The following PDZRN3 variants were observed in gnomAD, a reference collection of about 807,000 sequenced individuals.
PDZRN3 encodes the protein PDZ domain containing ring finger 3, also known as E3 ubiquitin-protein ligase PDZRN3.
Under a neutral mutation model 85.7 loss-of-function variants are expected in PDZRN3, and 38 were observed. That is an observed-to-expected ratio of 0.44 (90% CI 0.34 to 0.58). PDZRN3 has a LOEUF of 0.58. Ranked by LOEUF, PDZRN3 falls within the 20% of genes least tolerant of loss-of-function variation. PDZRN3 has a pLI of 0.01. For missense variants in PDZRN3, 1,629 were observed against 1,506.4 expected (o/e 1.08, Z -1.35); for synonymous variants, 759 against 638.0 (o/e 1.19, Z -2.86).
intron 3 of PDZRN3, among the ~76,000 whole-genome samples, chr3:73,490,471 G>A (rs895544458): frequency 6.6e-6 from 1 of 152,192 alleles, no homozygotes; most frequent in African/African-American, 2.4e-5. Context: ...CCCACTGCAA[G>A]AGCAGATCTT....
rs983500011 is a variant in PDZRN3 at position 73,552,402 on chromosome 3, T to C, written c.918+49952A>G. ...TGATTAACTTTAAATGGATAATAAC[T>C]GGACTAAGCAGCAGATTCACTGAGG... On this transcript the variant is annotated intron_variant, in intron 3 of 9. Coordinates refer to ENST00000263666, the MANE Select transcript of PDZRN3 (RefSeq NM_015009.3). Among the ~76,000 whole-genome samples the C allele has an allele frequency of 4.6e-5, 7 of 152,310 alleles. No homozygotes were observed. The East Asian group carries it at 1.4e-3, about 29-fold the overall frequency.
intron 3 of PDZRN3, among the ~76,000 whole-genome samples, chr3:73,464,267 G>A (rs1488168737): frequency 6.6e-6 from 1 of 152,190 alleles, no homozygotes; most frequent in African/African-American, 2.4e-5. Context: ...TTATAGGCGT[G>A]AGCCATGGTG....
chr3:73,459,814 T>C (rs907564033), intron 3 of PDZRN3, among the ~76,000 whole-genome samples: 1 of 152,228 alleles, frequency 6.6e-6, no homozygotes, highest in African/African-American at 2.4e-5. Context: ...ACTCTTCTTT[T>C]ATATCTGCCT....
chr3:73,448,239 C>T (rs1325839212), intron 3 of PDZRN3, among the ~76,000 whole-genome samples: 1 of 152,172 alleles, frequency 6.6e-6, no homozygotes, highest in East Asian at 1.9e-4. Flanking sequence ...AAGATTCTTC[C>T]CAAGTCTTCA....
chr3:73,410,049 G>T (rs1189596081), intron 3 of PDZRN3, among the ~76,000 whole-genome samples: 1 of 152,054 alleles, frequency 6.6e-6, no homozygotes, highest in Non-Finnish European at 1.5e-5. Context: ...TAAATACAGG[G>T]GGAGTGATTT....
chr3:73,593,976 C>T lies in PDZRN3; in HGVS notation c.918+8378G>A, dbSNP rs562231723. The T allele has an allele frequency of 2.6e-5, 4 of 152,234 alleles. No individual in the cohort carries two copies. The East Asian group carries it at 5.8e-4, about 22-fold the overall frequency. 9.4% of individuals were successfully genotyped at this position (152,234 alleles called of 1,614,324 possible). ...TAGTAAAAAGTGAAAAACCTGCTAG[C>T]TAAATTCTGCAAGAGTTGTAGCACT... On this transcript the variant is annotated intron_variant, in intron 3 of 9. Transcript: ENST00000263666.
chr3:73,514,539 T>A (rs1045295700), intron 3 of PDZRN3, among the ~76,000 whole-genome samples: 3 of 152,204 alleles, frequency 2.0e-5, no homozygotes, highest in Non-Finnish European at 4.4e-5. Context: ...TACACAAATA[T>A]ACTTAAATTC....
chr3:73,596,977 A>C (rs1318397842), intron 3 of PDZRN3, among the ~76,000 whole-genome samples: 1 of 152,224 alleles, frequency 6.6e-6, no homozygotes. Context: ...GAGTAGAGGA[A>C]GAAAAGAATA....
chr3:73,511,114 C>CT (rs770564482), intron 3 of PDZRN3, among the ~76,000 whole-genome samples: 1 of 152,158 alleles, frequency 6.6e-6, no homozygotes, highest in Non-Finnish European at 1.5e-5. Context: ...CCAGTGGCTA[C>CT]TTTTTTATGG....
At chr3:73,423,761 T>G (rs1275345713) in intron 3 of PDZRN3, among the ~76,000 whole-genome samples, 3 of 152,232 alleles carry the variant, frequency 2.0e-5, no homozygotes, top group Non-Finnish European at 1.5e-5. Context: ...CCCTTATTAG[T>G]ATTTCTGATT....
intron 3 of PDZRN3, among the ~76,000 whole-genome samples, chr3:73,446,939 G>A (rs1702759066): frequency 6.6e-6 from 1 of 151,554 alleles, no homozygotes; most frequent in Non-Finnish European, 1.5e-5. Flanking sequence ...TTCCCAGCTT[G>A]CTGCAGCCCT....
chr3:73,481,558 G>A (rs1202550480), intron 3 of PDZRN3, among the ~76,000 whole-genome samples: 4 of 151,902 alleles, frequency 2.6e-5, no homozygotes, highest in Admixed American at 6.6e-5. Context: ...TCGAACTCCC[G>A]ACCTCAGGTG....
chr3:73,455,908 A>C (rs953491405), intron 3 of PDZRN3, among the ~76,000 whole-genome samples: 2 of 152,240 alleles, frequency 1.3e-5, no homozygotes, highest in African/African-American at 4.8e-5. Context: ...CACAAAAATA[A>C]TTGATGACAT....
chr3:73,385,430 C>T (rs546254167), intron 9 of PDZRN3, among the ~76,000 whole-genome samples: 1 of 152,338 alleles, frequency 6.6e-6, no homozygotes, highest in East Asian at 1.9e-4. Flanking sequence ...AACAAATTAT[C>T]AGAAGGTCAG....
At chr3:73,538,096 C>G (rs1296055356) in intron 3 of PDZRN3, among the ~76,000 whole-genome samples, 2 of 152,194 alleles carry the variant, frequency 1.3e-5, no homozygotes, top group African/African-American at 4.8e-5. Context: ...ACATTTACAA[C>G]TGGGAACACA....
chr3:73,510,076 C>T (rs370655774), intron 3 of PDZRN3, among the ~76,000 whole-genome samples: 20 of 152,178 alleles, frequency 1.3e-4, no homozygotes, highest in African/African-American at 4.6e-4. Flanking sequence ...CAAATGTTTC[C>T]TATCAGTGGC....
At chr3:73,397,208 T>G (rs963537295) in intron 5 of PDZRN3, among the ~76,000 whole-genome samples, 3 of 152,054 alleles carry the variant, frequency 2.0e-5, no homozygotes, top group Non-Finnish European at 4.4e-5. Flanking sequence ...CAGAACCATC[T>G]GTTTTTCTCT....
intron 3 of PDZRN3, among the ~76,000 whole-genome samples, chr3:73,571,346 T>C (rs904703963): frequency 6.6e-6 from 1 of 152,226 alleles, no homozygotes; most frequent in African/African-American, 2.4e-5. Context: ...CGTGCCTTTG[T>C]GACAAAACCC....
At chr3:73,444,722 C>A (rs1259107981) in intron 3 of PDZRN3, among the ~76,000 whole-genome samples, 1 of 152,184 alleles carries the variant, frequency 6.6e-6, no homozygotes, top group African/African-American at 2.4e-5. Flanking sequence ...CTCCTGATAA[C>A]CCCCATGGGG....
Sources: gnomAD v4.1 joint callset for allele counts (sites outside exome capture counted in the v4.1 genomes callset) on GRCh38, gnomAD v4.1.1 for gene constraint, MANE v1.5 for transcripts, NCBI Gene and HGNC (gene_info 2026-07-23, HGNC 2026-07-21) for gene names.